Variants in WDFY3 observed in about 807,000 individuals in gnomAD.
WDFY3 encodes WD repeat and FYVE domain-containing protein 3.
In WDFY3, 66 loss-of-function variants were observed where a neutral mutation model predicts 409.6. The ratio of observed to expected loss-of-function variants is 0.16; its 90% CI spans 0.13 to 0.20. WDFY3 has a LOEUF of 0.20. Ranked by LOEUF, WDFY3 falls within the 10% of genes least tolerant of loss-of-function variation. The probability of loss-of-function intolerance (pLI) is 1.00; values close to 1 mark genes in which losing one functional copy is unlikely to be tolerated. For synonymous variants in WDFY3, 1,521 were observed against 1,537.1 expected, an observed-to-expected ratio of 0.99 and a Z score of 0.25; for missense variants, 3,031 against 4,298.1, an observed-to-expected ratio of 0.71 and a Z score of 8.24.
At chr4:84,731,197 C>G (rs1026643724) in intron 44 of WDFY3, among the ~76,000 whole-genome samples, 2 of 152,158 alleles carry the variant, frequency 1.3e-5, no homozygotes, top group African/African-American at 4.8e-5. Context: ...ATTGGACAAC[C>G]TTGATCTAGC....
At chr4:84,928,119 A>C (rs992691741) in intron 2 of WDFY3, among the ~76,000 whole-genome samples, 8 of 152,290 alleles carry the variant, frequency 5.3e-5, no homozygotes, top group Middle Eastern at 6.8e-3. Flanking sequence ...ACCCAGATGG[A>C]ACAAAAAAGC....
chr4:84,797,952 T>C (rs1749800587), intron 18 of WDFY3, 44 bp downstream of exon 18: 1 of 1,499,424 alleles, frequency 6.7e-7, no homozygotes, highest in Non-Finnish European at 9.2e-7. Flanking sequence ...CCTACATGAT[T>C]TTCATTCATA....
intron 67 of WDFY3, 69 bp downstream of exon 67, chr4:84,677,130 G>C (rs1578095303): frequency 1.3e-6 from 2 of 1,575,142 alleles, no homozygotes; most frequent in East Asian, 4.5e-5. Context: ...CAGAACCTGT[G>C]TGCAGGACAT....
chr4:84,704,861 T>C (rs1731657583), intron 54 of WDFY3, among the ~76,000 whole-genome samples: 1 of 152,200 alleles, frequency 6.6e-6, no homozygotes. Flanking sequence ...ATATTCTCCT[T>C]GGCAGAGAGG....
chr4:84,742,890 G>T (rs1738702075), intron 37 of WDFY3, among the ~76,000 whole-genome samples: 1 of 152,118 alleles, frequency 6.6e-6, no homozygotes. Context: ...CACAGAATTT[G>T]ATTTTTATTA....
intron 56 of WDFY3, among the ~76,000 whole-genome samples, chr4:84,699,993 C>A (rs929339306): frequency 2.0e-5 from 3 of 149,596 alleles, no homozygotes. Flanking sequence ...ATATTTTCTT[C>A]CATTCTATAG....
chr4:84,919,756 C>T (rs1016253150), intron 2 of WDFY3, among the ~76,000 whole-genome samples: 3 of 152,146 alleles, frequency 2.0e-5, no homozygotes, highest in African/African-American at 7.2e-5. Flanking sequence ...TTTCCTGAGG[C>T]CTCCCAGCCA....
At chr4:84,820,234 T>G in intron 11 of WDFY3, 48 bp from the exon 12 acceptor site, 1 of 1,441,224 alleles carries the variant, frequency 6.9e-7, no homozygotes, top group Non-Finnish European at 9.5e-7. Context: ...TAAGCTTATT[T>G]TTTCTTGATT....
At chr4:84,964,108 C>A (rs889070224) in intron 1 of WDFY3, among the ~76,000 whole-genome samples, 2 of 152,106 alleles carry the variant, frequency 1.3e-5, no homozygotes, top group African/African-American at 4.8e-5. Context: ...AGGAAAAAAG[C>A]AAATATATGC....
chr4:84,834,605 C>T (rs1400843484), intron 7 of WDFY3, among the ~76,000 whole-genome samples: 2 of 152,198 alleles, frequency 1.3e-5, no homozygotes, highest in South Asian at 2.1e-4. Flanking sequence ...GAGCCAAGAT[C>T]GCACCACCGC....
intron 2 of WDFY3, among the ~76,000 whole-genome samples, chr4:84,920,230 G>A (rs1769097137): frequency 6.6e-6 from 1 of 152,118 alleles, no homozygotes; most frequent in Non-Finnish European, 1.5e-5. Flanking sequence ...TACACTGGAG[G>A]AGAAGAAAAC....
chr4:84,866,249 T>G (rs1011118315), intron 3 of WDFY3, among the ~76,000 whole-genome samples: 1 of 152,150 alleles, frequency 6.6e-6, no homozygotes, highest in African/African-American at 2.4e-5. Flanking sequence ...GACAGGATAA[T>G]AGGGTCTGGA....
intron 1 of WDFY3, among the ~76,000 whole-genome samples, chr4:84,951,019 A>G (rs1293077850): frequency 6.6e-6 from 1 of 152,228 alleles, no homozygotes. Flanking sequence ...CCTATTCATT[A>G]ATAAACACAA....
Position 84,775,068 on chromosome 4 carries a change from G to A in WDFY3, c.4589C>T (p.Ser1530Phe). ...FEHFIELLTE[S>F]SEASKNAKLM... ...CTACGTGGGTATTAATTAATACCTG[G>A]ACTCTGTGAGCAGTTCAATAAAGTG... The change falls in exon 28 of 68, where the codon TCC (serine) becomes TTC (phenylalanine). Residue 1530 changes from serine to phenylalanine, a missense_variant. Physicochemically the swap from Ser to Phe is radical, Grantham distance 155. Around this residue, in one of 16 missense-constraint regions of WDFY3, gnomAD observed 342 missense variants for 463.7 expected, o/e 0.74. Transcript: ENST00000295888. 1 of 1,613,560 alleles carries A rather than the reference G, an allele frequency of 6.2e-7. No homozygotes were observed.
intron 1 of WDFY3, among the ~76,000 whole-genome samples, chr4:84,955,186 G>A (rs1336887913): frequency 9.5e-5 from 14 of 147,306 alleles, no homozygotes; most frequent in African/African-American, 3.3e-4. Flanking sequence ...CTGGGCGACA[G>A]AACAAAACAC....
chr4:84,734,968 G>C, intron 43 of WDFY3, 75 bp downstream of exon 43: 1 of 1,257,448 alleles, frequency 8.0e-7, no homozygotes, highest in South Asian at 1.3e-5. Flanking sequence ...TGGGCAGAAA[G>C]ATACCAGGAC....
intron 66 of WDFY3, 111 bp downstream of exon 66, chr4:84,678,057 C>T (rs950121909): frequency 6.9e-5 from 49 of 714,002 alleles, no homozygotes; most frequent in Admixed American, 9.6e-5. Flanking sequence ...GAGCTACATA[C>T]GATAATACAA....
At chr4:84,735,171 A>G (rs1194314028) in intron 42 of WDFY3, 51 bp from the exon 43 acceptor site, 1 of 1,517,188 alleles carries the variant, frequency 6.6e-7, no homozygotes. Flanking sequence ...TTCTGGAAAA[A>G]AATAGTTAAT....
Position 84,765,949 on chromosome 4 carries a change from T to C in WDFY3, c.5049A>G (p.Thr1683=). 6.2e-7 allele frequency: 1 copy of C among 1,614,048 alleles called. No individual in the cohort carries two copies. ...MFMEEHLHST[T]VTAAMRILVV... ...CAAGAATCCTCATGGCTGCTGTAACTGTGGTGGAATGTAAGTGTTCCTCCA... is the reference window on the plus strand; with the variant it reads ...CAAGAATCCTCATGGCTGCTGTAACCGTGGTGGAATGTAAGTGTTCCTCCA... Residue 1683 remains threonine, a synonymous_variant, in exon 32 of 68, where the codon ACA becomes ACG. Transcript: ENST00000295888.
Sources: gnomAD v4.1 joint callset for allele counts (sites outside exome capture counted in the v4.1 genomes callset) on GRCh38, gnomAD v4.1.1 for gene constraint, gnomAD v4.1.1 regional missense constraint, MANE v1.5 for transcripts, NCBI Gene and HGNC (gene_info 2026-07-23, HGNC 2026-07-21) for gene names.